Variants in EML4 observed in about 807,000 individuals in gnomAD.
EML4 encodes the protein EMAP like 4.
In EML4, 72 loss-of-function variants were observed where a neutral mutation model predicts 129.0. The ratio of observed to expected loss-of-function variants is 0.56; its 90% CI spans 0.46 to 0.68. The LOEUF is 0.68. Ranked by LOEUF, EML4 falls within the 30% of genes least tolerant of loss-of-function variation. EML4 has a pLI of 0.00. For synonymous variants in EML4, 532 were observed against 405.0 expected (o/e 1.31, Z -3.77); for missense variants, 1,363 against 1,190.6 (o/e 1.14, Z -2.13).
intron 3 of EML4, among the ~76,000 whole-genome samples, chr2:42,259,938 G>A (rs866618749): frequency 6.6e-6 from 1 of 151,498 alleles, no homozygotes; most frequent in Non-Finnish European, 1.5e-5. Flanking sequence ...CACCATGTTA[G>A]GCAGGATGGT....
chr2:42,299,741 G>A (rs1193330660), intron 13 of EML4, among the ~76,000 whole-genome samples: 1 of 152,194 alleles, frequency 6.6e-6, no homozygotes, highest in Non-Finnish European at 1.5e-5. Context: ...CCAGGCTGGA[G>A]TGCAGTGGTG....
At chr2:42,264,798 GAA>G in intron 6 of EML4, 67 bp downstream of exon 6, 1 of 1,412,406 alleles carries the variant, frequency 7.1e-7, no homozygotes, top group Non-Finnish European at 9.8e-7. Context: ...TAATTGAAAA[GAA>G]TATTTTCATC....
chr2:42,307,589 A>G (rs765822254), intron 17 of EML4, among the ~76,000 whole-genome samples: 1 of 152,194 alleles, frequency 6.6e-6, no homozygotes, highest in Non-Finnish European at 1.5e-5. Flanking sequence ...TAGCCATTCT[A>G]TTACTATCAC....
intron 1 of EML4, among the ~76,000 whole-genome samples, chr2:42,186,333 T>C (rs1004679491): frequency 2.0e-5 from 3 of 151,908 alleles, no homozygotes; most frequent in Admixed American, 6.5e-5. Context: ...TGAAAGTCTT[T>C]ATACTTGAAA....
At chr2:42,264,277 A>G (rs1334623438) in intron 5 of EML4, among the ~76,000 whole-genome samples, 1 of 151,792 alleles carries the variant, frequency 6.6e-6, no homozygotes, top group Non-Finnish European at 1.5e-5. Context: ...ACCATGCCCA[A>G]CTAATGTTTT....
chr2:42,214,763 A>G (rs939095130), intron 1 of EML4, among the ~76,000 whole-genome samples: 2 of 152,124 alleles, frequency 1.3e-5, no homozygotes, highest in Admixed American at 6.5e-5. Context: ...GGGACTGTCA[A>G]ACCAAGTATG....
intron 21 of EML4, 87 bp from the exon 22 acceptor site, chr2:42,328,799 A>G (rs1417808050): frequency 9.0e-7 from 1 of 1,105,954 alleles, no homozygotes; most frequent in Non-Finnish European, 1.3e-6. Flanking sequence ...AAAGCTAAAC[A>G]GATTCTAAAA....
intron 1 of EML4, among the ~76,000 whole-genome samples, chr2:42,239,669 A>G (rs1373422075): frequency 3.3e-5 from 5 of 150,504 alleles, no homozygotes; most frequent in Non-Finnish European, 7.4e-5. Context: ...TATTTTGAGA[A>G]GGGGCAACAA....
intron 2 of EML4, among the ~76,000 whole-genome samples, chr2:42,248,644 A>AT (rs1380145249): frequency 6.6e-6 from 1 of 152,152 alleles, no homozygotes; most frequent in Non-Finnish European, 1.5e-5. Context: ...TTCTTTTCAC[A>AT]TAACACTAAC....
intron 1 of EML4, among the ~76,000 whole-genome samples, chr2:42,239,001 T>C (rs1674855438): frequency 6.6e-6 from 1 of 152,166 alleles, no homozygotes; most frequent in Non-Finnish European, 1.5e-5. Flanking sequence ...ACTCCTCGGC[T>C]CACGCAATCA....
intron 1 of EML4, among the ~76,000 whole-genome samples, chr2:42,218,943 C>T (rs1055354732): frequency 1.3e-5 from 2 of 152,168 alleles, no homozygotes; most frequent in Non-Finnish European, 2.9e-5. Flanking sequence ...GGAATACAAA[C>T]ATGCACTGCA....
Position 42,295,190 on chromosome 2 carries a change from C to A in EML4, c.1284C>A (p.Cys428Ter). The A allele has an allele frequency of 6.2e-7, 1 of 1,612,704 alleles. No individual in the cohort carries two copies. The highest frequency in any genetic ancestry group is 8.5e-7 in the Non-Finnish European group (1 of 1,179,368). The change falls in exon 12 of 23, where the codon TGC (cysteine) becomes TGA (stop). Residue 428 changes from cysteine (C) to a stop codon, truncating the protein, a stop_gained. Coordinates refer to ENST00000318522, the MANE Select transcript of EML4 (RefSeq NM_019063.5). LOFTEE classifies it high-confidence loss of function. ...HPTDANTIITCGKSHIFFWTW... is the reference protein window; with the variant it reads ...HPTDANTIIT ...CAGATGCAAATACCATAATTACATG[C>A]GGTAAATCTCATATTTTCTTCTGGA...
At chr2:42,206,423 C>T (rs1421895934) in intron 1 of EML4, among the ~76,000 whole-genome samples, 1 of 152,112 alleles carries the variant, frequency 6.6e-6, no homozygotes, top group Non-Finnish European at 1.5e-5. Context: ...ACTGTCTTGC[C>T]CAGGCAGGTC....
chr2:42,323,870 G>A (rs373928319), intron 19 of EML4, among the ~76,000 whole-genome samples: 2 of 151,856 alleles, frequency 1.3e-5, no homozygotes, highest in South Asian at 2.1e-4. Context: ...CTTGAACCCA[G>A]GAGGCGGAGG....
intron 1 of EML4, among the ~76,000 whole-genome samples, chr2:42,230,007 A>T (rs919199534): frequency 2.0e-5 from 3 of 152,066 alleles, no homozygotes; most frequent in South Asian, 2.1e-4. Flanking sequence ...TCTATCATGC[A>T]ATTATTGGCT....
Position 42,329,799 on chromosome 2 carries a change from C to G in EML4, c.2538C>G (p.Asp846Glu). The change falls in exon 23 of 23, where the codon GAC becomes GAG. Residue 846 changes from aspartate (D) to glutamate (E), a missense_variant. By Grantham distance (45) the Asp-to-Glu change is conservative. Coordinates refer to ENST00000318522, the MANE Select transcript of EML4 (RefSeq NM_019063.5). ...HVTNVSFTHNDSHLISTGGKD... is the reference protein window; with the variant it reads ...HVTNVSFTHNESHLISTGGKD... Reference sequence around the variant, plus strand: ...CCAATGTCAGTTTTACTCACAATGACAGTCACCTGATATCAACTGGTGGAA... The same window carrying G: ...CCAATGTCAGTTTTACTCACAATGAGAGTCACCTGATATCAACTGGTGGAA... 1 of 1,614,156 alleles carries G rather than the reference C, an allele frequency of 6.2e-7. No homozygotes were observed. Among genetic ancestry groups the G allele is most frequent in the Admixed American group, 1.7e-5 (1 of 60,016 alleles).
At chr2:42,266,814 C>CTAT (rs1318372006) in intron 6 of EML4, among the ~76,000 whole-genome samples, 2 of 151,900 alleles carry the variant, frequency 1.3e-5, no homozygotes, top group Non-Finnish European at 2.9e-5. Context: ...AATATAGTAA[C>CTAT]TATAAAGCTT....
At chr2:42,287,181 G>T (rs185061329) in intron 10 of EML4, among the ~76,000 whole-genome samples, 100 of 152,270 alleles carry the variant, frequency 6.6e-4, no homozygotes, top group African/African-American at 2.3e-3. Flanking sequence ...GGACATGGAG[G>T]AAAGGACACT....
At chr2:42,245,102 T>TC (rs56144524) in intron 1 of EML4, among the ~76,000 whole-genome samples, 3 of 122,258 alleles carry the variant, frequency 2.5e-5, no homozygotes, top group African/African-American at 9.7e-5. Flanking sequence ...TTCTTTTTTT[T>TC]TTTTTTTTTT....
Sources: allele counts gnomAD v4.1 joint callset (sites outside exome capture counted in the v4.1 genomes callset), GRCh38; gene constraint gnomAD v4.1.1; transcripts MANE v1.5; gene names NCBI Gene and HGNC (gene_info 2026-07-23, HGNC 2026-07-21).